The following SUMF1 variants were observed in gnomAD, a reference collection of about 807,000 sequenced individuals.
SUMF1 encodes the protein formylglycine-generating enzyme.
SUMF1 carries 48 observed loss-of-function variants against 47.6 expected under a neutral mutation model. The observed-to-expected ratio is 1.01, with a 90% CI of 0.80 to 1.28. The LOEUF is 1.28. Among genes scored for constraint, SUMF1 ranks in the 50% most tolerant of loss-of-function variants. The pLI is 0.00. For synonymous variants in SUMF1, 230 were observed against 192.1 expected (o/e 1.20, Z -1.63); for missense variants, 571 against 485.4 (o/e 1.18, Z -1.66).
At chr3:4,118,292 AAG>A (rs1022765320) in intron 8 of SUMF1, among the ~76,000 whole-genome samples, 88 of 152,070 alleles carry the variant, frequency 5.8e-4, no homozygotes, top group Admixed American at 2.1e-3. Context: ...GAGAACAAAA[AAG>A]AGTCATGAAG....
chr3:4,402,786 T>C (rs759962383), intron 7 of SUMF1, among the ~76,000 whole-genome samples: 13 of 152,260 alleles, frequency 8.5e-5, no homozygotes, highest in African/African-American at 3.1e-4. Flanking sequence ...AGTTTCAAAA[T>C]GCACATACAA....
chr3:4,263,061 G>A (rs972480127), intron 8 of SUMF1, among the ~76,000 whole-genome samples: 5 of 152,110 alleles, frequency 3.3e-5, no homozygotes, highest in African/African-American at 9.7e-5. Flanking sequence ...TTTTAAATGG[G>A]GGTGTAGGGC....
At chr3:4,199,990 TC>T (rs1695507302) in intron 8 of SUMF1, among the ~76,000 whole-genome samples, 3 of 152,108 alleles carry the variant, frequency 2.0e-5, no homozygotes, top group Admixed American at 6.6e-5. Context: ...CTTTTATTGT[TC>T]ATGTGTTTTG....
intron 8 of SUMF1, among the ~76,000 whole-genome samples, chr3:4,214,425 A>G (rs1280744071): frequency 3.3e-5 from 5 of 152,204 alleles, no homozygotes; most frequent in African/African-American, 1.2e-4. Flanking sequence ...AGGGAAATTT[A>G]TAGCACTAAA....
At chr3:4,309,159 T>C (rs1170094851) in intron 8 of SUMF1, among the ~76,000 whole-genome samples, 1 of 152,194 alleles carries the variant, frequency 6.6e-6, no homozygotes, top group Non-Finnish European at 1.5e-5. Context: ...AGGGGTTTAT[T>C]ATCATGCAGG....
Position 4,118,314 on chromosome 3 carries a change from T to C in SUMF1, c.1015-49569A>G, listed in dbSNP as rs148389629. Among the ~76,000 whole-genome samples the C allele has an allele frequency of 7.7e-4, 117 of 151,878 alleles. No homozygotes were observed. In the East Asian group the frequency reaches 0.02, roughly 26 times the overall value. On this transcript the variant is annotated intron_variant and NMD_transcript_variant, in intron 8 of 12. Transcript: ENST00000448413. ...AAAAAGAGTCATGAAGATGTAAGTG[T>C]CATTATCCACATTTAAAATGCCATA...
chr3:4,324,846 A>G (rs1698909308), intron 8 of SUMF1, among the ~76,000 whole-genome samples: 1 of 152,054 alleles, frequency 6.6e-6, no homozygotes, highest in Admixed American at 6.6e-5. Flanking sequence ...TTTCTTTTAC[A>G]TTTCCCCCCT....
chr3:4,097,373 T>C (rs1303136210), intron 8 of SUMF1, among the ~76,000 whole-genome samples: 2 of 151,900 alleles, frequency 1.3e-5, no homozygotes, highest in African/African-American at 2.4e-5. Flanking sequence ...GCCAAGATGG[T>C]GAAACCCCAT....
chr3:4,323,276 A>C (rs1218630070), intron 8 of SUMF1, among the ~76,000 whole-genome samples: 1 of 152,180 alleles, frequency 6.6e-6, no homozygotes, highest in Non-Finnish European at 1.5e-5. Flanking sequence ...AAGTGACAGA[A>C]ACCGGACACA....
At chr3:4,107,927 A>G (rs1693195262) in intron 8 of SUMF1, among the ~76,000 whole-genome samples, 1 of 151,666 alleles carries the variant, frequency 6.6e-6, no homozygotes, top group Non-Finnish European at 1.5e-5. Flanking sequence ...TTGGTGTGGT[A>G]TTTTCTGTGA....
At chr3:4,220,184 C>G (rs1171717056) in intron 8 of SUMF1, among the ~76,000 whole-genome samples, 8 of 152,140 alleles carry the variant, frequency 5.3e-5, no homozygotes, top group Non-Finnish European at 8.8e-5. Context: ...CAAGTTAATT[C>G]TGTGAGCATA....
intron 8 of SUMF1, among the ~76,000 whole-genome samples, chr3:4,343,690 T>G (rs1699316672): frequency 6.6e-6 from 1 of 152,226 alleles, no homozygotes; most frequent in Non-Finnish European, 1.5e-5. Context: ...TGCTGCAAAT[T>G]CACTGTGCAT....
At chr3:4,272,254 G>T (rs983373189) in intron 8 of SUMF1, among the ~76,000 whole-genome samples, 4 of 152,212 alleles carry the variant, frequency 2.6e-5, no homozygotes, top group East Asian at 1.9e-4. Flanking sequence ...ATTAGGAAAA[G>T]CTCGGGATCA....
At chr3:4,287,721 T>G (rs1379536676) in intron 8 of SUMF1, among the ~76,000 whole-genome samples, 3 of 152,336 alleles carry the variant, frequency 2.0e-5, no homozygotes, top group African/African-American at 7.2e-5. Context: ...AGTATTCCCT[T>G]TGGAGTCCCA....
At chr3:4,425,420 CAT>C (rs1433522255) in intron 3 of SUMF1, among the ~76,000 whole-genome samples, 1 of 152,174 alleles carries the variant, frequency 6.6e-6, no homozygotes, top group African/African-American at 2.4e-5. Context: ...TATGTTATTA[CAT>C]GTTACAATAT....
chr3:4,389,992 T>C (rs1318944658), intron 7 of SUMF1, among the ~76,000 whole-genome samples: 1 of 152,238 alleles, frequency 6.6e-6, no homozygotes, highest in African/African-American at 2.4e-5. Context: ...AAATTCACTT[T>C]GATATCTTCC....
intron 8 of SUMF1, among the ~76,000 whole-genome samples, chr3:4,331,691 G>A (rs1225897317): frequency 6.6e-5 from 10 of 152,168 alleles, no homozygotes; most frequent in African/African-American, 1.7e-4. Flanking sequence ...TTAGCTTGGC[G>A]TGGTGGCACA....
chr3:4,439,893 T>C (rs1246214079), intron 3 of SUMF1, among the ~76,000 whole-genome samples: 1 of 151,978 alleles, frequency 6.6e-6, no homozygotes, highest in Non-Finnish European at 1.5e-5. Context: ...GTTTTCAAGA[T>C]GGTGTTGCTT....
intron 9 of SUMF1, among the ~76,000 whole-genome samples, chr3:4,048,327 C>T (rs996913953): frequency 7.2e-5 from 11 of 152,116 alleles, no homozygotes; most frequent in African/African-American, 2.7e-4. Context: ...GGTATGCAGG[C>T]ACTGCCACAG....
Sources: allele counts gnomAD v4.1 joint callset (sites outside exome capture counted in the v4.1 genomes callset), GRCh38; gene constraint gnomAD v4.1.1; transcripts MANE v1.5; gene names NCBI Gene and HGNC (gene_info 2026-07-23, HGNC 2026-07-21).